TAFA1: variants seen among roughly 807,000 people sequenced by gnomAD.
TAFA1 encodes chemokine-like protein TAFA-1.
TAFA1 carries 4 observed loss-of-function variants against 18.5 expected under a neutral mutation model. That is an observed-to-expected ratio of 0.22 (90% confidence interval 0.11 to 0.49). The LOEUF is 0.49. TAFA1 is among the 20% of genes least tolerant of loss of function. The pLI is 0.98. For missense variants in TAFA1, 147 were observed against 169.0 expected (o/e 0.87, Z 0.72); for synonymous variants, 56 against 55.2 (o/e 1.01, Z -0.06).
chr3:68,134,296 G>A (rs1219127350), intron 2 of TAFA1, among the ~76,000 whole-genome samples: 1 of 152,108 alleles, frequency 6.6e-6, no homozygotes, highest in Non-Finnish European at 1.5e-5. Flanking sequence ...TAAATCAGGA[G>A]ACCAACGCTC....
At chr3:68,164,937 T>A (rs1266846756) in intron 2 of TAFA1, among the ~76,000 whole-genome samples, 3 of 152,190 alleles carry the variant, frequency 2.0e-5, no homozygotes, top group Non-Finnish European at 4.4e-5. Flanking sequence ...AGCCAATTAC[T>A]TAAATGCTGT....
chr3:68,073,880 G>A (rs545496342), intron 2 of TAFA1, among the ~76,000 whole-genome samples: 17 of 152,242 alleles, frequency 1.1e-4, no homozygotes, highest in East Asian at 9.6e-4. Context: ...CAGGTTTTGT[G>A]GAAGACAATT....
intron 3 of TAFA1, among the ~76,000 whole-genome samples, chr3:68,440,579 C>G (rs1016324239): frequency 5.9e-5 from 9 of 152,162 alleles, no homozygotes; most frequent in Admixed American, 3.3e-4. Flanking sequence ...ACTACCCATT[C>G]TGTATTCCCT....
At chr3:68,258,966 A>T (rs1218022591) in intron 2 of TAFA1, among the ~76,000 whole-genome samples, 3 of 152,196 alleles carry the variant, frequency 2.0e-5, no homozygotes, top group Non-Finnish European at 4.4e-5. Context: ...CCCACGCAGT[A>T]ACTTAGAATC....
At chr3:68,207,671 C>T (rs2066543560) in intron 2 of TAFA1, among the ~76,000 whole-genome samples, 1 of 151,890 alleles carries the variant, frequency 6.6e-6, no homozygotes, top group Admixed American at 6.6e-5. Context: ...AATTTTACAG[C>T]AATAAAAATT....
chr3:68,018,125 A>G (rs935508595), intron 2 of TAFA1, among the ~76,000 whole-genome samples: 17 of 152,194 alleles, frequency 1.1e-4, no homozygotes, highest in African/African-American at 4.1e-4. Context: ...TAAAGGGAAA[A>G]CAAGATTTTA....
At chr3:68,529,337 C>T (rs888409243) in intron 3 of TAFA1, among the ~76,000 whole-genome samples, 18 of 149,086 alleles carry the variant, frequency 1.2e-4, no homozygotes, top group African/African-American at 4.4e-4. Context: ...ATTTCATCTG[C>T]TTCTTCTTCC....
chr3:68,494,128 G>C (rs1418837474), intron 3 of TAFA1, among the ~76,000 whole-genome samples: 1 of 152,108 alleles, frequency 6.6e-6, no homozygotes, highest in Non-Finnish European at 1.5e-5. Context: ...TTGAGACAGA[G>C]TCTCGCTCTG....
rs188345424 is a variant in TAFA1, at chr3:68,365,840, C to A, written c.119-51440C>A. ...TGGTGGCTCATGCCTGTACTCCCAG[C>A]ACTTTGGTAGGCCAAGGCGGGCGGA... On this transcript the variant is annotated intron_variant, in intron 2 of 4. Coordinates refer to ENST00000478136, the MANE Select transcript of TAFA1 (RefSeq NM_213609.4). Among the ~76,000 whole-genome samples the A allele has an allele frequency of 5.9e-5, 9 of 152,238 alleles. No homozygotes were observed. The East Asian group carries it at 1.7e-3, about 30-fold the overall frequency.
At chr3:68,529,438 A>AAAC (rs2073156621) in intron 3 of TAFA1, among the ~76,000 whole-genome samples, 2 of 8,502 alleles carry the variant, frequency 2.4e-4, no homozygotes, top group African/African-American at 8.9e-4. Context: ...CCATTCTCTA[A>AAAC]AAAAAAAAAA....
intron 3 of TAFA1, among the ~76,000 whole-genome samples, chr3:68,538,155 A>G (rs56118025): frequency 0.022 from 3,407 of 152,252 alleles, 51 homozygotes; most frequent in Non-Finnish European, 0.03. Context: ...CTAGAATGCA[A>G]AAGTCTGAAA....
At chr3:68,092,086 A>G (rs1339159647) in intron 2 of TAFA1, among the ~76,000 whole-genome samples, 1 of 152,148 alleles carries the variant, frequency 6.6e-6, no homozygotes, top group African/African-American at 2.4e-5. Context: ...TTCTGTAATA[A>G]GCCCTCTCTA....
intron 2 of TAFA1, among the ~76,000 whole-genome samples, chr3:68,285,712 G>T (rs1202053621): frequency 6.6e-6 from 1 of 152,092 alleles, no homozygotes; most frequent in African/African-American, 2.4e-5. Flanking sequence ...TGTGGATTTC[G>T]TTTGGGTCCT....
chr3:68,095,320 A>G (rs1349291297), intron 2 of TAFA1, among the ~76,000 whole-genome samples: 1 of 152,188 alleles, frequency 6.6e-6, no homozygotes, highest in Non-Finnish European at 1.5e-5. Flanking sequence ...TTTAAAAAAC[A>G]GTTTTTATCA....
At chr3:68,460,975 A>G (rs61014284) in intron 3 of TAFA1, among the ~76,000 whole-genome samples, 40,538 of 152,092 alleles carry the variant, frequency 0.27, 5,888 homozygotes, top group East Asian at 0.54. Flanking sequence ...GATAGGGCAG[A>G]TAAGAGTCCA....
intron 3 of TAFA1, among the ~76,000 whole-genome samples, chr3:68,486,777 G>C (rs1254258410): frequency 1.3e-5 from 2 of 152,184 alleles, no homozygotes; most frequent in Non-Finnish European, 2.9e-5. Flanking sequence ...TGGATGTCTT[G>C]ATATCTGGGC....
chr3:68,369,709 T>G (rs879616841), intron 2 of TAFA1, among the ~76,000 whole-genome samples: 1 of 152,224 alleles, frequency 6.6e-6, no homozygotes, highest in Non-Finnish European at 1.5e-5. Context: ...GTTTTCAATT[T>G]CAATATAAAT....
chr3:68,283,720 C>G (rs992474642), intron 2 of TAFA1, among the ~76,000 whole-genome samples: 2 of 152,190 alleles, frequency 1.3e-5, no homozygotes, highest in Non-Finnish European at 2.9e-5. Context: ...TACTTCCCTT[C>G]CTAGCTATCC....
chr3:68,299,960 C>G (rs1407874970), intron 2 of TAFA1, among the ~76,000 whole-genome samples: 10 of 152,236 alleles, frequency 6.6e-5, no homozygotes, highest in Non-Finnish European at 1.3e-4. Context: ...AAGTTTGCTG[C>G]AGGGGCAGAA....
Sources: allele counts gnomAD v4.1 joint callset (sites outside exome capture counted in the v4.1 genomes callset), GRCh38; gene constraint gnomAD v4.1.1; transcripts MANE v1.5; gene names NCBI Gene and HGNC (gene_info 2026-07-23, HGNC 2026-07-21).